The following VAV3 variants were observed in gnomAD, a reference collection of about 807,000 sequenced individuals.
The protein encoded by VAV3 is vav guanine nucleotide exchange factor 3.
VAV3 carries 94 observed loss-of-function variants against 131.2 expected under a neutral mutation model. The observed-to-expected ratio is 0.72, with a 90% CI of 0.61 to 0.85. The LOEUF (loss-of-function observed/expected upper bound fraction) is 0.85. VAV3 is among the 40% of genes least tolerant of loss of function. The probability of loss-of-function intolerance (pLI) is 0.00; values close to 1 mark genes in which losing one functional copy is unlikely to be tolerated. For missense variants in VAV3, 939 were observed against 1,002.7 expected (o/e 0.94, Z 0.86); for synonymous variants, 349 against 342.0 (o/e 1.02, Z -0.22).
chr1:107,897,626 G>A (rs11185204), intron 1 of VAV3, among the ~76,000 whole-genome samples: 1 of 151,688 alleles, frequency 6.6e-6, no homozygotes. Context: ...CACCACCTCA[G>A]GTGCATTCAC....
chr1:107,693,131 T>C (rs1036214791), intron 17 of VAV3, among the ~76,000 whole-genome samples: 52 of 152,140 alleles, frequency 3.4e-4, no homozygotes, highest in African/African-American at 1.2e-3. Context: ...GTGGAGTTCA[T>C]ACCTATTCAT....
intron 1 of VAV3, among the ~76,000 whole-genome samples, chr1:107,906,527 G>A (rs1029017239): frequency 5.3e-5 from 8 of 152,134 alleles, no homozygotes; most frequent in East Asian, 1.9e-4. Context: ...TTAGCCGGGC[G>A]TGGTGGCAGG....
At chr1:107,646,770 T>A (rs899603003) in intron 19 of VAV3, among the ~76,000 whole-genome samples, 1 of 152,030 alleles carries the variant, frequency 6.6e-6, no homozygotes, top group African/African-American at 2.4e-5. Flanking sequence ...ATTAGCAATA[T>A]TAAAAGGATA....
intron 2 of VAV3, among the ~76,000 whole-genome samples, chr1:107,809,216 T>C (rs1428126103): frequency 6.6e-6 from 1 of 152,190 alleles, no homozygotes; most frequent in Admixed American, 6.5e-5. Context: ...TTGGTTTCCT[T>C]TGACCACTGT....
At chr1:107,778,687 G>A (rs1223150632) in intron 3 of VAV3, among the ~76,000 whole-genome samples, 1 of 152,104 alleles carries the variant, frequency 6.6e-6, no homozygotes, top group African/African-American at 2.4e-5. Context: ...TGGCTGTGAT[G>A]GCCAGAGACA....
intron 1 of VAV3, among the ~76,000 whole-genome samples, chr1:107,881,704 T>TTAACACCATC (rs1361059123): frequency 6.6e-6 from 1 of 152,124 alleles, no homozygotes; most frequent in Non-Finnish European, 1.5e-5. Context: ...AGAAGAAAGT[T>TTAACACCATC]TAACACCATC....
chr1:107,853,187 G>A (rs753629891), intron 2 of VAV3, among the ~76,000 whole-genome samples: 14 of 152,046 alleles, frequency 9.2e-5, no homozygotes, highest in Non-Finnish European at 1.9e-4. Context: ...TTAAGAGCTC[G>A]TGCTCTGGAA....
At chr1:107,836,409 G>A (rs1164862942) in intron 2 of VAV3, among the ~76,000 whole-genome samples, 1 of 152,086 alleles carries the variant, frequency 6.6e-6, no homozygotes, top group Admixed American at 6.5e-5. Flanking sequence ...CAAAATACTT[G>A]GGATATAATG....
chr1:107,614,871 A>G (rs1348952851), intron 21 of VAV3, among the ~76,000 whole-genome samples: 49 of 152,294 alleles, frequency 3.2e-4, no homozygotes, highest in African/African-American at 2.4e-5. Flanking sequence ...TACATGGTAC[A>G]TTCAATGCTT....
intron 1 of VAV3, among the ~76,000 whole-genome samples, chr1:107,891,819 A>G (rs2101062134): frequency 7.0e-6 from 1 of 143,858 alleles, no homozygotes; most frequent in South Asian, 2.3e-4. Flanking sequence ...AGCCTGGGGG[A>G]CACAGCAAGA....
At chr1:107,728,935 T>C (rs1252041112) in intron 15 of VAV3, among the ~76,000 whole-genome samples, 2 of 152,162 alleles carry the variant, frequency 1.3e-5, no homozygotes, top group African/African-American at 2.4e-5. Flanking sequence ...ATGCAGAAAA[T>C]CCATTAGGTT....
intron 1 of VAV3, among the ~76,000 whole-genome samples, chr1:107,900,170 A>G (rs1671785214): frequency 6.6e-6 from 1 of 152,200 alleles, no homozygotes; most frequent in Non-Finnish European, 1.5e-5. Context: ...CATGGATAGA[A>G]ATACATTTGC....
chr1:107,780,439 T>C (rs1665626996), intron 2 of VAV3, among the ~76,000 whole-genome samples: 1 of 152,218 alleles, frequency 6.6e-6, no homozygotes, highest in Non-Finnish European at 1.5e-5. Flanking sequence ...TTCAATCTTT[T>C]GTCCTAAGAT....
At chr1:107,707,780 G>C (rs1305724332) in intron 15 of VAV3, among the ~76,000 whole-genome samples, 2 of 152,194 alleles carry the variant, frequency 1.3e-5, no homozygotes, top group African/African-American at 4.8e-5. Flanking sequence ...ATCATACATG[G>C]TCCGTGGCCT....
At chr1:107,614,385 G>A (rs960531610) in intron 21 of VAV3, among the ~76,000 whole-genome samples, 3 of 151,708 alleles carry the variant, frequency 2.0e-5, no homozygotes, top group Non-Finnish European at 4.4e-5. Flanking sequence ...ATATATCCCA[G>A]AATCAAAAGC....
chr1:107,782,767 C>T (rs1461851865), intron 2 of VAV3, among the ~76,000 whole-genome samples: 1 of 152,194 alleles, frequency 6.6e-6, no homozygotes, highest in Non-Finnish European at 1.5e-5. Flanking sequence ...TTGGAATAGA[C>T]AAGTATACAA....
intron 1 of VAV3, among the ~76,000 whole-genome samples, chr1:107,946,147 A>G (rs1237746119): frequency 6.6e-6 from 1 of 152,098 alleles, no homozygotes; most frequent in Admixed American, 6.5e-5. Context: ...GGGATAATGG[A>G]TTGGCATGAG....
chr1:107,728,606 T>TGTATAC lies in VAV3; in HGVS notation c.1502+20361_1502+20362insGTATAC, dbSNP rs754505682. Among the ~76,000 whole-genome samples, 62 of 79,270 alleles carry TGTATAC rather than the reference T, an allele frequency of 7.8e-4. 2 individuals carry two copies. The highest frequency in any genetic ancestry group is 2.3e-3 in the African/African-American group (60 of 26,592). The allele number at this position is 79,270 out of a possible 152,430, so 52.0% of individuals were successfully genotyped here. On this transcript the variant is annotated intron_variant, in intron 15 of 26. Coordinates refer to ENST00000370056, the MANE Select transcript of VAV3 (RefSeq NM_006113.5). ...AGTCATATGTATACGTATACGTATA[T>TGTATAC]GTATATGTATATGTATATGTATATG...
chr1:107,948,562 G>T lies in VAV3; in HGVS notation c.204+16104C>A, dbSNP rs148825605. 7.0e-4 allele frequency among the ~76,000 whole-genome samples: 106 copies of T among 152,298 alleles called. 1 individual carries two copies. Among genetic ancestry groups the T allele is most frequent in the African/African-American group, 2.4e-3 (98 of 41,576 alleles). ...ATATAACTCTTTCAACAATAAAGCTGGCCAGGCGCAGTGGCTCATGCCTGT... is the reference window on the plus strand; with the variant it reads ...ATATAACTCTTTCAACAATAAAGCTTGCCAGGCGCAGTGGCTCATGCCTGT... On this transcript the variant is annotated intron_variant, in intron 1 of 26. Coordinates refer to ENST00000370056, the MANE Select transcript of VAV3 (RefSeq NM_006113.5).
Sources: allele counts gnomAD v4.1 joint callset (sites outside exome capture counted in the v4.1 genomes callset), GRCh38; gene constraint gnomAD v4.1.1; transcripts MANE v1.5; gene names NCBI Gene and HGNC (gene_info 2026-07-23, HGNC 2026-07-21).